MYO1E: variants seen among roughly 807,000 people sequenced by gnomAD.
MYO1E encodes myosin IE, also known as unconventional myosin-Ie.
A neutral mutation model predicts 151.1 loss-of-function variants in MYO1E; 68 were observed. That is an observed-to-expected ratio of 0.45 (90% CI 0.37 to 0.55). The LOEUF (loss-of-function observed/expected upper bound fraction) is 0.55, where lower values mean the gene tolerates loss of function less well. Ranked by LOEUF, MYO1E falls within the 20% of genes least tolerant of loss-of-function variation. The probability of loss-of-function intolerance (pLI) is 0.00; values close to 1 mark genes in which losing one functional copy is unlikely to be tolerated. For synonymous variants in MYO1E, 601 were observed against 501.7 expected (o/e 1.20, Z -2.64); for missense variants, 1,363 against 1,389.3 (o/e 0.98, Z 0.30).
At chr15:59,328,009 A>C (rs2080676013) in intron 1 of MYO1E, among the ~76,000 whole-genome samples, 1 of 152,208 alleles carries the variant, frequency 6.6e-6, no homozygotes, top group Non-Finnish European at 1.5e-5. Flanking sequence ...TGGTGGGCCC[A>C]ACAGCCTGGG....
intron 4 of MYO1E, among the ~76,000 whole-genome samples, chr15:59,244,933 A>G (rs2080120839): frequency 6.6e-6 from 1 of 152,236 alleles, no homozygotes; most frequent in East Asian, 1.9e-4. Context: ...AATTTTAGCA[A>G]CCAGACTAGA....
chr15:59,345,457 G>A (rs188351792), intron 1 of MYO1E, among the ~76,000 whole-genome samples: 1 of 152,238 alleles, frequency 6.6e-6, no homozygotes, highest in African/African-American at 2.4e-5. Flanking sequence ...AGGCACATGT[G>A]CCACCACACT....
Position 59,132,918 on chromosome 15 carries a change from A to T in MYO1E, c.*4462T>A, listed in dbSNP as rs531318141. On this transcript the variant is annotated 3_prime_UTR_variant, in exon 28 of 28. Transcript: ENST00000288235. ...GATTTGTTAGATGGAGCTCCTGCCC[A>T]TTAAAGGAGCTTACAAGTTTCTAGC... 37 of 152,356 alleles carry T rather than the reference A, an allele frequency of 2.4e-4. No homozygotes were observed. The highest frequency in any genetic ancestry group is 8.7e-4 in the African/African-American group (36 of 41,592). 9.4% of individuals were successfully genotyped at this position (152,356 alleles called of 1,614,324 possible).
At chr15:59,224,606 T>C (rs1211757374) in intron 8 of MYO1E, 83 bp downstream of exon 8, 4 of 1,565,412 alleles carry the variant, frequency 2.6e-6, no homozygotes, top group Non-Finnish European at 3.5e-6. Context: ...GCTCTTTGCT[T>C]TATTAACCTT....
At chr15:59,142,142 G>C (rs2079413973) in intron 26 of MYO1E, among the ~76,000 whole-genome samples, 1 of 151,952 alleles carries the variant, frequency 6.6e-6, no homozygotes, top group South Asian at 2.1e-4. Context: ...GTCTGTACAT[G>C]TTCACTACAG....
At chr15:59,199,637 C>T (rs1175252990) in intron 16 of MYO1E, among the ~76,000 whole-genome samples, 13 of 152,010 alleles carry the variant, frequency 8.6e-5, no homozygotes, top group African/African-American at 2.9e-4. Context: ...AATAAGAGTT[C>T]CCATCAAATG....
At chr15:59,208,160 A>C in intron 14 of MYO1E, 1 of 1,326,770 alleles carries the variant, frequency 7.5e-7, no homozygotes, top group Non-Finnish European at 1.0e-6. Flanking sequence ...AATTTTGAAT[A>C]AACTTGAATT....
chr15:59,221,898 A>G (rs1333057762), intron 9 of MYO1E, among the ~76,000 whole-genome samples: 4 of 152,216 alleles, frequency 2.6e-5, no homozygotes, highest in African/African-American at 9.7e-5. Flanking sequence ...CCACCAAACC[A>G]ACACTGTTAC....
rs1354999589 is a variant in MYO1E at position 59,134,154 on chromosome 15, G to T, written c.*3226C>A. The T allele has an allele frequency of 6.6e-6, 1 of 152,268 alleles. No individual in the cohort carries two copies. The highest frequency in any genetic ancestry group is 1.5e-5 in the Non-Finnish European group (1 of 68,112). The allele number at this position is 152,268 out of a possible 1,614,324, so 9.4% of individuals were successfully genotyped here. A position where few individuals can be genotyped will look rare whatever the true frequency, so the allele number is the denominator to read the frequency against. Reference sequence around the variant, plus strand: ...ATTGGTGGACATGGTGTGCACACAGGGCAGGTCCTTTAAGGAGGAAACTGC... The same window carrying T: ...ATTGGTGGACATGGTGTGCACACAGTGCAGGTCCTTTAAGGAGGAAACTGC... On this transcript the variant is annotated 3_prime_UTR_variant, in exon 28 of 28. Transcript: ENST00000288235.
chr15:59,139,834 C>T (rs1261912985), intron 26 of MYO1E, among the ~76,000 whole-genome samples: 2 of 150,528 alleles, frequency 1.3e-5, no homozygotes, highest in African/African-American at 2.4e-5. Flanking sequence ...ATACCCTCAT[C>T]ATTACTCCAC....
intron 1 of MYO1E, among the ~76,000 whole-genome samples, chr15:59,285,450 C>T (rs1487855389): frequency 9.9e-5 from 15 of 151,368 alleles, no homozygotes; most frequent in African/African-American, 2.7e-4. Context: ...CTCTGCCCCC[C>T]GGCTTCACGC....
chr15:59,171,757 C>A, intron 22 of MYO1E, 140 bp downstream of exon 22: 1 of 1,141,106 alleles, frequency 8.8e-7, no homozygotes, highest in Non-Finnish European at 1.3e-6. Context: ...CCCTTTGGGA[C>A]AAAGGGAAAT....
rs2080423916 is a variant in MYO1E at position 59,292,235 on chromosome 15, A to G, written c.4-19786T>C. On this transcript the variant is annotated intron_variant, in intron 1 of 27. Transcript: ENST00000288235. ...ATCTATGATAGTTTTACAGGATTTC[A>G]AGGCAAATTCATCAGTTTTGTTTCA... is the stretch of plus-strand genomic sequence containing the variant. 2.0e-5 allele frequency among the ~76,000 whole-genome samples: 3 copies of G among 152,232 alleles called. No individual in the cohort carries two copies. The South Asian group carries it at 6.2e-4, about 31-fold the overall frequency.
chr15:59,218,220 A>G, intron 9 of MYO1E, 133 bp from the exon 10 acceptor site: 1 of 1,028,948 alleles, frequency 9.7e-7, no homozygotes, highest in Non-Finnish European at 1.5e-6. Flanking sequence ...GGGCCCCAAG[A>G]GCTTACGTTC....
intron 1 of MYO1E, among the ~76,000 whole-genome samples, chr15:59,305,165 G>A (rs752379716): frequency 5.3e-5 from 8 of 152,188 alleles, no homozygotes; most frequent in Non-Finnish European, 1.2e-4. Context: ...CTAGCAGAAT[G>A]TCAAAGAAGA....
At chr15:59,302,430 C>T (rs1403698422) in intron 1 of MYO1E, among the ~76,000 whole-genome samples, 4 of 152,286 alleles carry the variant, frequency 2.6e-5, no homozygotes, top group Admixed American at 6.5e-5. Context: ...AGTCAGAACA[C>T]CTTAGCTGGG....
At chr15:59,260,020 C>G (rs1357167932) in intron 3 of MYO1E, among the ~76,000 whole-genome samples, 1 of 152,200 alleles carries the variant, frequency 6.6e-6, no homozygotes, top group Non-Finnish European at 1.5e-5. Context: ...ACATGGCACT[C>G]AGTAAATACC....
At chr15:59,280,558 G>T (rs2080347342) in intron 1 of MYO1E, among the ~76,000 whole-genome samples, 1 of 150,138 alleles carries the variant, frequency 6.7e-6, no homozygotes, top group Non-Finnish European at 1.5e-5. Context: ...GGAGGCAGAG[G>T]TTGCAGTGAG....
chr15:59,173,776 G>A lies in MYO1E; in HGVS notation c.2304C>T (p.Asp768=), dbSNP rs145459485. 2.5e-3 allele frequency: 4,087 copies of A among 1,614,192 alleles called. 24 individuals are homozygous for A. The highest frequency in any genetic ancestry group is 2.6e-3 in the Non-Finnish European group (3,066 of 1,180,024). Residue 768 remains aspartate, a synonymous_variant, in exon 21 of 28, where the codon GAC becomes GAT. Transcript: ENST00000288235. ...VGKREKIDFA[D]TVTKYDRRFK... ...ACCTCCTGTCATACTTGGTGACTGT[G>A]TCTGCGAAATCAATCTTCTCCCTCT...
Sources: gnomAD v4.1 joint callset for allele counts (sites outside exome capture counted in the v4.1 genomes callset) on GRCh38, gnomAD v4.1.1 for gene constraint, MANE v1.5 for transcripts, NCBI Gene and HGNC (gene_info 2026-07-23, HGNC 2026-07-21) for gene names.